Variants in NTRK3 observed in about 807,000 individuals in gnomAD.
NTRK3 encodes the protein neurotrophic receptor tyrosine kinase 3.
NTRK3 carries 24 observed loss-of-function variants against 91.7 expected under a neutral mutation model. That is an observed-to-expected ratio of 0.26 (90% CI 0.19 to 0.37). NTRK3 has a LOEUF of 0.37. Among genes scored for constraint, NTRK3 ranks in the 10% least tolerant of loss-of-function variants. The probability of loss-of-function intolerance (pLI) is 1.00; values close to 1 mark genes in which losing one functional copy is unlikely to be tolerated. For missense variants in NTRK3, 880 were observed against 1,068.9 expected (o/e 0.82, Z 2.46); for synonymous variants, 483 against 404.0 (o/e 1.20, Z -2.34).
chr15:88,167,209 C>G (rs1210878157), intron 5 of NTRK3, among the ~76,000 whole-genome samples: 1 of 152,132 alleles, frequency 6.6e-6, no homozygotes, highest in African/African-American at 2.4e-5. Flanking sequence ...TATCACATAT[C>G]ATATCACAAG....
chr15:88,134,285 C>A (rs1179751511), intron 10 of NTRK3, among the ~76,000 whole-genome samples: 1 of 152,212 alleles, frequency 6.6e-6, no homozygotes, highest in Non-Finnish European at 1.5e-5. Flanking sequence ...ATCACTTTCA[C>A]TAAACTCTTT....
intron 15 of NTRK3, among the ~76,000 whole-genome samples, chr15:87,938,436 C>A (rs1039724869): frequency 6.6e-6 from 1 of 152,160 alleles, no homozygotes; most frequent in Admixed American, 6.5e-5. Context: ...ACTTCCAAGA[C>A]GTTGTCTGGA....
At chr15:87,866,007 C>T (rs1596030795) in exon 19 of NTRK3, 2 of 231,534 alleles carry the variant, frequency 8.6e-6, no homozygotes, top group East Asian at 1.2e-4. Flanking sequence ...CTGTATGCAA[C>T]TGCCCAGAGA....
chr15:87,963,132 T>A (rs1050451621), intron 14 of NTRK3, among the ~76,000 whole-genome samples: 1 of 150,642 alleles, frequency 6.6e-6, no homozygotes, highest in Non-Finnish European at 1.5e-5. Context: ...CTCAGGAGAA[T>A]CCACTGGATA....
intron 14 of NTRK3, among the ~76,000 whole-genome samples, chr15:88,012,621 C>A (rs1373017630): frequency 6.6e-6 from 1 of 152,118 alleles, no homozygotes; most frequent in Non-Finnish European, 1.5e-5. Context: ...CTCCTAACAC[C>A]CAATACAGAA....
intron 14 of NTRK3, among the ~76,000 whole-genome samples, chr15:88,013,311 T>C (rs1241116016): frequency 6.6e-6 from 1 of 152,194 alleles, no homozygotes; most frequent in Non-Finnish European, 1.5e-5. Context: ...ATAACAGAAC[T>C]GTGGAAAAAA....
At chr15:87,881,812 A>C (rs2065272156) in intron 17 of NTRK3, among the ~76,000 whole-genome samples, 2 of 152,310 alleles carry the variant, frequency 1.3e-5, no homozygotes, top group South Asian at 4.1e-4. Context: ...TCTTGTTTCC[A>C]AAAAGGGAAA....
At chr15:88,058,239 T>C (rs375674402) in intron 13 of NTRK3, among the ~76,000 whole-genome samples, 84 of 152,246 alleles carry the variant, frequency 5.5e-4, no homozygotes, top group African/African-American at 1.8e-3. Context: ...GACTACGACG[T>C]CAGACAGTTC....
intron 14 of NTRK3, among the ~76,000 whole-genome samples, chr15:87,996,784 T>C (rs532008102): frequency 1.3e-5 from 2 of 152,304 alleles, no homozygotes; most frequent in South Asian, 2.1e-4. Flanking sequence ...AGAACTGCGG[T>C]ATACTCTACT....
intron 6 of NTRK3, among the ~76,000 whole-genome samples, chr15:88,141,022 T>C (rs1317824387): frequency 6.6e-6 from 1 of 152,106 alleles, no homozygotes; most frequent in Admixed American, 6.6e-5. Context: ...GGGAGAACTG[T>C]CTTTGGTTGA....
intron 13 of NTRK3, among the ~76,000 whole-genome samples, chr15:88,079,073 G>A (rs146648679): frequency 4.7e-4 from 72 of 152,296 alleles, no homozygotes; most frequent in African/African-American, 1.6e-3. Context: ...GAGCCCAGTC[G>A]GTGGATGTGG....
intron 13 of NTRK3, among the ~76,000 whole-genome samples, chr15:88,042,664 T>C (rs957238702): frequency 2.0e-5 from 3 of 152,206 alleles, no homozygotes; most frequent in Non-Finnish European, 4.4e-5. Flanking sequence ...TTGAAAATGA[T>C]GTTGCTCATC....
intron 13 of NTRK3, among the ~76,000 whole-genome samples, chr15:88,084,068 C>A (rs1194708408): frequency 6.7e-6 from 1 of 150,182 alleles, no homozygotes; most frequent in Non-Finnish European, 1.5e-5. Flanking sequence ...TTGTAAGAGC[C>A]ATTTCATGTC....
rs1211696620 is a variant in NTRK3, at chr15:88,255,879, A to C, written c.248+27T>G. On this transcript the variant is annotated intron_variant, in intron 3 of 18. Transcript: ENST00000394480. This position sits in a 1 kb window ranked among gnomAD's most constrained non-coding sequence, Gnocchi z 4.3. The stretch of plus-strand genomic sequence containing the variant: ...GGGAGACGCAGAGCGCGGGGGAGGC[A>C]GGCTGGGGAGCGGCCGCCTGACTTA... 1 of 1,587,942 alleles carries C rather than the reference A, an allele frequency of 6.3e-7. No homozygotes were observed. The highest frequency in any genetic ancestry group is 1.3e-5 in the African/African-American group (1 of 74,092).
intron 17 of NTRK3, among the ~76,000 whole-genome samples, chr15:87,920,074 T>C (rs1424161942): frequency 6.6e-6 from 1 of 152,130 alleles, no homozygotes; most frequent in Non-Finnish European, 1.5e-5. Context: ...GAAAGTGAAA[T>C]CTCTGATTTG....
At chr15:88,082,812 G>A (rs2048175009) in intron 13 of NTRK3, among the ~76,000 whole-genome samples, 2 of 152,158 alleles carry the variant, frequency 1.3e-5, no homozygotes, top group Admixed American at 6.5e-5. Flanking sequence ...GGGGCCGGGA[G>A]ATGTTTACCC....
intron 14 of NTRK3, among the ~76,000 whole-genome samples, chr15:87,997,562 AT>A (rs201446393): frequency 0.012 from 1,888 of 152,082 alleles, 10 homozygotes; most frequent in Non-Finnish European, 0.02. Context: ...AGCAGTAAAT[AT>A]TTTTTTTATA....
rs11385386 is a variant in NTRK3, at chr15:87,904,154, A to ATTT, written c.2134-23729_2134-23727dup. ...CTGCTAGAATGAAACTACAATAAGC[A>ATTT]TTTTTTTTTTTTTTTGAGACGGAGT... On this transcript the variant is annotated intron_variant, in intron 17 of 18. Transcript: ENST00000394480. Among the ~76,000 whole-genome samples, 599 of 142,762 alleles carry ATTT rather than the reference A, an allele frequency of 4.2e-3. 7 individuals carry two copies. Among genetic ancestry groups the ATTT allele is most frequent in the African/African-American group, 0.014 (538 of 38,368 alleles). The allele number at this position is 142,762 out of a possible 152,430, so 93.7% of individuals were successfully genotyped here.
At chr15:87,926,483 T>A (rs1403407369) in intron 17 of NTRK3, among the ~76,000 whole-genome samples, 1 of 152,194 alleles carries the variant, frequency 6.6e-6, no homozygotes, top group Non-Finnish European at 1.5e-5. Context: ...TTAGAACTCA[T>A]GAAGAAGGAA....
Sources: gnomAD v4.1 joint callset for allele counts (sites outside exome capture counted in the v4.1 genomes callset) on GRCh38, gnomAD v4.1.1 for gene constraint, Gnocchi (gnomAD v3.1) non-coding constraint, MANE v1.5 for transcripts, NCBI Gene and HGNC (gene_info 2026-07-23, HGNC 2026-07-21) for gene names.